Variants in SDK2 observed in about 807,000 individuals in gnomAD.
SDK2 encodes sidekick cell adhesion molecule 2.
SDK2 carries 105 observed loss-of-function variants against 253.9 expected under a neutral mutation model. That is an observed-to-expected ratio of 0.41 (90% CI 0.35 to 0.49). The LOEUF is 0.49. SDK2 is among the 20% of genes least tolerant of loss of function. The probability of loss-of-function intolerance (pLI) is 0.06; values close to 1 mark genes in which losing one functional copy is unlikely to be tolerated. For missense variants in SDK2, 2,608 were observed against 3,003.0 expected (o/e 0.87, Z 3.07); for synonymous variants, 1,249 against 1,234.9 (o/e 1.01, Z -0.24).
At chr17:73,392,392 C>T (rs1251079946) in intron 27 of SDK2, among the ~76,000 whole-genome samples, 1 of 152,076 alleles carries the variant, frequency 6.6e-6, no homozygotes, top group Non-Finnish European at 1.5e-5. Flanking sequence ...GCCTCAGCCT[C>T]CCAGTAGCTG....
At chr17:73,419,552 A>C (rs148463221) in intron 15 of SDK2, among the ~76,000 whole-genome samples, 1 of 152,106 alleles carries the variant, frequency 6.6e-6, no homozygotes, top group Non-Finnish European at 1.5e-5. Context: ...CTCTGTGTAT[A>C]TGTGGATATA....
chr17:73,339,217 TTTTTTGTTTTTG>T (rs139684133), intron 44 of SDK2, among the ~76,000 whole-genome samples: 1 of 148,096 alleles, frequency 6.8e-6, no homozygotes, highest in Non-Finnish European at 1.5e-5. Flanking sequence ...ACCTGAGTTT[TTTTTTGTTTTTG>T]TTTTTGTTTT....
Position 73,379,447 on chromosome 17 carries a change from C to T in SDK2, c.4864+1G>A. On this transcript the variant is annotated splice_donor_variant, in intron 35 of 44. Transcript: ENST00000392650. LOFTEE classifies it high-confidence loss of function. The surrounding 1 kb of genome is among the most constrained non-coding windows in gnomAD (Gnocchi z 4.5). ...GGCCGGACAGGGCGGGCGCTGCTCA[C>T]CTGCCTCCCCAACAAAGACCTCCTG... 1 of 1,601,490 alleles carries T rather than the reference C, an allele frequency of 6.2e-7. No individual in the cohort carries two copies. The highest frequency in any genetic ancestry group is 8.5e-7 in the Non-Finnish European group (1 of 1,172,946).
intron 1 of SDK2, among the ~76,000 whole-genome samples, chr17:73,593,779 G>C (rs989098911): frequency 1.3e-5 from 2 of 152,172 alleles, no homozygotes; most frequent in African/African-American, 4.8e-5. Context: ...AGGGGCCTGG[G>C]CGGCAGGGCT....
intron 1 of SDK2, among the ~76,000 whole-genome samples, chr17:73,581,561 G>A (rs1040501216): frequency 6.6e-6 from 1 of 152,250 alleles, no homozygotes; most frequent in African/African-American, 2.4e-5. Context: ...TGGGCGCTGA[G>A]CTGTGACCTC....
intron 1 of SDK2, among the ~76,000 whole-genome samples, chr17:73,549,712 C>A (rs935918135): frequency 6.6e-6 from 1 of 151,988 alleles, no homozygotes; most frequent in Non-Finnish European, 1.5e-5. Flanking sequence ...AGACAGAATG[C>A]GGCAGGTCCC....
chr17:73,507,616 A>G lies in SDK2; in HGVS notation c.65-19T>C, dbSNP rs1042466804. 8 of 1,548,916 alleles carry G rather than the reference A, an allele frequency of 5.2e-6. No homozygotes were observed. The highest frequency in any genetic ancestry group is 7.0e-6 in the Non-Finnish European group (8 of 1,145,466). On this transcript the variant is annotated intron_variant, in intron 1 of 44. Coordinates refer to ENST00000392650, the MANE Select transcript of SDK2 (RefSeq NM_001144952.2). ...ACATCATCTGCAGAAACAGGGAGAC[A>G]AAGCCACCAGTGATCACTTGCTCAC...
At chr17:73,591,869 TTCAAAGAGCA>T (rs2045686612) in intron 1 of SDK2, among the ~76,000 whole-genome samples, 1 of 152,112 alleles carries the variant, frequency 6.6e-6, no homozygotes, top group African/African-American at 2.4e-5. Flanking sequence ...CCTCCTCATC[TTCAAAGAGCA>T]TCAAGCACTA....
chr17:73,379,213 C>A lies in SDK2; in HGVS notation c.4944G>T (p.Pro1648=), dbSNP rs546934610. The A allele has an allele frequency of 4.5e-6, 7 of 1,559,034 alleles. No homozygotes were observed. Among genetic ancestry groups the A allele is most frequent in the Non-Finnish European group, 6.1e-6 (7 of 1,150,978 alleles). The change falls in exon 36 of 45, where the codon CCG becomes CCT. Residue 1648 remains proline (P), a synonymous_variant. Coordinates refer to ENST00000392650, the MANE Select transcript of SDK2 (RefSeq NM_001144952.2). This position sits in a 1 kb window ranked among gnomAD's most constrained non-coding sequence, Gnocchi z 4.5. The part of the protein sequence containing the change: ...TQLDVTWEPP[P]LDSQNGDIQG... ...GGATGTCTCCATTCTGGCTGTCCAG[C>A]GGAGGTGGCTCCCAAGTCACGTCCA... is the stretch of plus-strand genomic sequence containing the variant.
intron 36 of SDK2, among the ~76,000 whole-genome samples, chr17:73,374,630 G>A (rs2145451461): frequency 6.9e-6 from 1 of 145,454 alleles, no homozygotes; most frequent in Admixed American, 6.9e-5. Context: ...ACCATACCCA[G>A]CTAATTTTTG....
chr17:73,566,780 C>T (rs1164405465), intron 1 of SDK2, among the ~76,000 whole-genome samples: 2 of 151,286 alleles, frequency 1.3e-5, no homozygotes, highest in African/African-American at 2.4e-5. Context: ...AATTTCTAAA[C>T]GACAAAGCAC....
At chr17:73,347,132 CG>C (rs1481995873) in intron 44 of SDK2, among the ~76,000 whole-genome samples, 6 of 152,116 alleles carry the variant, frequency 3.9e-5, no homozygotes, top group Admixed American at 1.3e-4. Flanking sequence ...GAGGCTGAGG[CG>C]GGGGAACACT....
intron 12 of SDK2, among the ~76,000 whole-genome samples, chr17:73,426,208 C>CGT (rs2063280905): frequency 3.4e-5 from 1 of 29,166 alleles, no homozygotes; most frequent in African/African-American, 1.1e-4. Flanking sequence ...CCATGCTGGG[C>CGT]TTTTTTTTTT....
Position 73,419,306 on chromosome 17 carries a change from C to A in SDK2, c.2046G>T (p.Arg682Ser). The A allele has an allele frequency of 6.2e-7, 1 of 1,611,170 alleles. No homozygotes were observed. The highest frequency in any genetic ancestry group is 8.5e-7 in the Non-Finnish European group (1 of 1,179,504). Residue 682 changes from arginine to serine, a missense_variant and splice_region_variant, in exon 16 of 45, where the codon AGG becomes AGT. Arg to Ser is a moderately radical substitution (Grantham distance 110). Transcript: ENST00000392650. ...TGGGGGGCTCCTCGGGGAGGGAGAC[C>A]CTGGATCACAAAACACCAATGCTCT... ...GKGQFSKDTERVSLPEEPPTA... is the reference protein window; with the variant it reads ...GKGQFSKDTESVSLPEEPPTA...
At chr17:73,505,833 T>C (rs1048784553) in intron 2 of SDK2, among the ~76,000 whole-genome samples, 1 of 152,140 alleles carries the variant, frequency 6.6e-6, no homozygotes, top group African/African-American at 2.4e-5. Context: ...TCACCACCAA[T>C]AGCTGGACCC....
chr17:73,391,421 G>A lies in SDK2; in HGVS notation c.3997+19C>T, dbSNP rs758640275. ...TTCCTTCTTCCTGCAGCCGGGGCAC[G>A]GGAAGGGCAAAGGCTTACCAAGAAT... is the stretch of plus-strand genomic sequence containing the variant. On this transcript the variant is annotated intron_variant, in intron 28 of 44. Coordinates refer to ENST00000392650, the MANE Select transcript of SDK2 (RefSeq NM_001144952.2). 40 of 1,284,732 alleles carry A rather than the reference G, an allele frequency of 3.1e-5. 1 individual carries two copies. In the South Asian group the frequency reaches 5.4e-4, roughly 17 times the overall value. The allele number at this position is 1,284,732 out of a possible 1,614,324, so 79.6% of individuals were successfully genotyped here.
At chr17:73,355,174 A>ATATATATATAGATTTTTTTT in intron 40 of SDK2, among the ~76,000 whole-genome samples, 1 of 47,224 alleles carries the variant, frequency 2.1e-5, no homozygotes, top group Non-Finnish European at 3.4e-5. Flanking sequence ...ATATATATAT[A>ATATATATATAGATTTTTTTT]TTTTTTTTTT....
intron 18 of SDK2, among the ~76,000 whole-genome samples, chr17:73,412,745 A>C (rs145721554): frequency 0.036 from 5,442 of 152,138 alleles, 215 homozygotes; most frequent in East Asian, 0.15. Flanking sequence ...GTGAAACCCC[A>C]TCTCTATTGA....
intron 2 of SDK2, among the ~76,000 whole-genome samples, chr17:73,502,031 C>G (rs917614173): frequency 9.2e-5 from 14 of 151,834 alleles, no homozygotes; most frequent in Non-Finnish European, 8.8e-5. Context: ...ATATTTATGC[C>G]ACAATCACAC....
Sources: allele counts gnomAD v4.1 joint callset (sites outside exome capture counted in the v4.1 genomes callset), GRCh38; gene constraint gnomAD v4.1.1; non-coding constraint Gnocchi (gnomAD v3.1); transcripts MANE v1.5; gene names NCBI Gene and HGNC (gene_info 2026-07-23, HGNC 2026-07-21).